The following SUPT4H1 variants were observed in gnomAD, a reference collection of about 807,000 sequenced individuals.
SUPT4H1 encodes the protein SPT4 homolog, DSIF elongation factor subunit.
Under a neutral mutation model 19.4 loss-of-function variants are expected in SUPT4H1, and 12 were observed. The ratio of observed to expected loss-of-function variants is 0.62; its 90% CI spans 0.40 to 1.00. The LOEUF is 1.00. SUPT4H1 is among the 50% of genes least tolerant of loss of function. SUPT4H1 has a pLI of 0.00. For missense variants in SUPT4H1, 115 were observed against 149.2 expected, an observed-to-expected ratio of 0.77 and a Z score of 1.19; for synonymous variants, 58 against 56.3, an observed-to-expected ratio of 1.03 and a Z score of -0.14.
Position 58,347,462 on chromosome 17 carries a change from C to T in SUPT4H1, c.232+67G>A, listed in dbSNP as rs78240384. The T allele has an allele frequency of 3.2e-6, 5 of 1,581,046 alleles. No homozygotes were observed. The African/African-American group carries it at 5.4e-5, about 17-fold the overall frequency. On this transcript the variant is annotated intron_variant, in intron 3 of 4. Coordinates refer to ENST00000225504, the MANE Select transcript of SUPT4H1 (RefSeq NM_003168.3). ...TCACTCATCTTGCTGATTTGAGACTCCCTAATGGACCTGAGGAACAGTAAC... is the reference window on the plus strand; with the variant it reads ...TCACTCATCTTGCTGATTTGAGACTTCCTAATGGACCTGAGGAACAGTAAC...
Position 58,346,150 on chromosome 17 carries a change from TAGG to T in SUPT4H1, c.*93_*95del. On this transcript the variant is annotated 3_prime_UTR_variant, in exon 5 of 5. Coordinates refer to ENST00000225504, the MANE Select transcript of SUPT4H1 (RefSeq NM_003168.3). The stretch of plus-strand genomic sequence containing the variant: ...AGTCAGCTGAGTCTGAATTGGAGGG[TAGG>T]AAGTATTTGAAGTTCTGTTCATTTA... The T allele has an allele frequency of 3.2e-6, 3 of 950,822 alleles. No homozygotes were observed. The highest frequency in any genetic ancestry group is 5.1e-6 in the Non-Finnish European group (3 of 588,548). 58.9% of individuals were successfully genotyped at this position (950,822 alleles called of 1,614,324 possible). A position where few individuals can be genotyped will look rare whatever the true frequency, so the allele number is the denominator to read the frequency against.
chr17:58,345,185 A>AAAAGGAGAAAT lies in SUPT4H1; in HGVS notation c.*1060_*1061insATTTCTCCTTT. ...GAAAAATGGCCCAAAAAGGAGAGCA[A>AAAAGGAGAAAT]AAGTATTTCACCTTTATAATACTTA... On this transcript the variant is annotated 3_prime_UTR_variant, in exon 5 of 5. Transcript: ENST00000225504. The AAAAGGAGAAAT allele has an allele frequency of 6.6e-6, 1 of 152,312 alleles. No individual in the cohort carries two copies. The highest frequency in any genetic ancestry group is 2.1e-4 in the South Asian group (1 of 4,824). 9.4% of individuals were successfully genotyped at this position (152,312 alleles called of 1,614,324 possible). A position where few individuals can be genotyped will look rare whatever the true frequency, so the allele number is the denominator to read the frequency against.
chr17:58,351,458 T>G lies in SUPT4H1; in HGVS notation c.120A>C (p.Leu40=). Reference sequence around the variant, plus strand: ...CCATCTCTCGGTTACCCTTCATTTGTAGATATGCATCACAATTGTCACAAC... The same window carrying G: ...CCATCTCTCGGTTACCCTTCATTTGGAGATATGCATCACAATTGTCACAAC... ...YDGCDNCDAY[L]QMKGNREMVY... Residue 40 remains leucine, a synonymous_variant, in exon 2 of 5, where the codon CTA becomes CTC. Transcript: ENST00000225504. The G allele has an allele frequency of 6.2e-7, 1 of 1,614,098 alleles. No homozygotes were observed. The highest frequency in any genetic ancestry group is 8.5e-7 in the Non-Finnish European group (1 of 1,179,988).
In SUPT4H1 at chr17:58,352,143, GATGGGAAGAACA is replaced by G. The variant is rs1229101535; in HGVS notation, c.-20_-9del. ...CACCGTCTCCAGGGCCATCTTCGCC[GATGGGAAGAACA>G]ACAGGGAGATAGACGACCACAGCCT... On this transcript the variant is annotated 5_prime_UTR_variant, in exon 1 of 5. Coordinates refer to ENST00000225504, the MANE Select transcript of SUPT4H1 (RefSeq NM_003168.3). 1 of 1,613,926 alleles carries G rather than the reference GATGGGAAGAACA, an allele frequency of 6.2e-7. No individual in the cohort carries two copies. The highest frequency in any genetic ancestry group is 1.3e-5 in the African/African-American group (1 of 74,944).
At chr17:58,347,411 A>G (rs1250769739) in intron 3 of SUPT4H1, 118 bp downstream of exon 3, 3 of 1,414,178 alleles carry the variant, frequency 2.1e-6, no homozygotes, top group African/African-American at 2.8e-5. Flanking sequence ...TGTGTTTCCT[A>G]CAACCCGATC....
chr17:58,352,052 G>C lies in SUPT4H1; in HGVS notation c.69+15C>G. ...GGTCCCCCATGGGCCCTACAACCAGGTCCCCGACTGACACCTTGACCAGCG... is the reference window on the plus strand; with the variant it reads ...GGTCCCCCATGGGCCCTACAACCAGCTCCCCGACTGACACCTTGACCAGCG... On this transcript the variant is annotated intron_variant, in intron 1 of 4. Coordinates refer to ENST00000225504, the MANE Select transcript of SUPT4H1 (RefSeq NM_003168.3). The C allele has an allele frequency of 6.2e-7, 1 of 1,613,966 alleles. No individual in the cohort carries two copies. Among genetic ancestry groups the C allele is most frequent in the Non-Finnish European group, 8.5e-7 (1 of 1,179,940 alleles).
At chr17:58,351,594 T>A in intron 1 of SUPT4H1, 86 bp from the exon 2 acceptor site, 1 of 897,036 alleles carries the variant, frequency 1.1e-6, no homozygotes. Flanking sequence ...TACTTCGACC[T>A]GCTCAATTTC....
At chr17:58,348,898 C>A (rs1280920213) in intron 2 of SUPT4H1, among the ~76,000 whole-genome samples, 4 of 152,156 alleles carry the variant, frequency 2.6e-5, no homozygotes, top group Non-Finnish European at 2.9e-5. Context: ...AACAAAAAAA[C>A]CAAACTGAAG....
At chr17:58,347,147 C>T (rs779022966) in intron 4 of SUPT4H1, 41 bp downstream of exon 4, 17 of 1,594,868 alleles carry the variant, frequency 1.1e-5, no homozygotes, top group Non-Finnish European at 1.3e-5. Context: ...TTCCACAGAG[C>T]TTTACAGTAA....
At position 58,347,680 on chromosome 17, in the gene SUPT4H1, C is replaced by T. The variant is rs1337322072; in HGVS notation, c.177-96G>A. On this transcript the variant is annotated intron_variant, in intron 2 of 4. Transcript: ENST00000225504. ...TCTAGGAAAAAGCCAAGTACCGAGT[C>T]TCCACTGGAAAGCTGGCAAAACTGC... The T allele has an allele frequency of 3.1e-6, 4 of 1,274,862 alleles. No homozygotes were observed. The African/African-American group carries it at 4.4e-5, about 14-fold the overall frequency. The allele number at this position is 1,274,862 out of a possible 1,614,324, so 79.0% of individuals were successfully genotyped here.
intron 2 of SUPT4H1, among the ~76,000 whole-genome samples, chr17:58,349,947 T>C (rs1172952585): frequency 6.6e-6 from 1 of 152,178 alleles, no homozygotes; most frequent in Non-Finnish European, 1.5e-5. Context: ...GTGGTGACGG[T>C]TGCACAACAG....
intron 2 of SUPT4H1, among the ~76,000 whole-genome samples, chr17:58,350,836 C>CAAAAAA (rs35040111): frequency 3.7e-5 from 3 of 81,912 alleles, no homozygotes; most frequent in African/African-American, 5.0e-5. Context: ...AAAGTCTGTC[C>CAAAAAA]AAAAAAAAAA....
At position 58,351,480 on chromosome 17, in the gene SUPT4H1, C is replaced by T; in HGVS notation, c.98G>A (p.Cys33Tyr). Residue 33 changes from cysteine (C) to tyrosine (Y), a missense_variant, in exon 2 of 5, where the codon TGT becomes TAT. Physicochemically the swap from Cys to Tyr is radical, Grantham distance 194. Transcript: ENST00000225504. Reference sequence around the variant, plus strand: ...TTGTAGATATGCATCACAATTGTCACAACCATCATATTCAAACTGGTCTAT... The same window carrying T: ...TTGTAGATATGCATCACAATTGTCATAACCATCATATTCAAACTGGTCTAT... ...KTIDQFEYDG[C>Y]DNCDAYLQMK... is the part of the protein sequence containing the mutation. 1 of 1,613,764 alleles carries T rather than the reference C, an allele frequency of 6.2e-7. No homozygotes were observed.
At chr17:58,349,212 T>A (rs1972398532) in intron 2 of SUPT4H1, among the ~76,000 whole-genome samples, 1 of 152,258 alleles carries the variant, frequency 6.6e-6, no homozygotes, top group Admixed American at 6.5e-5. Context: ...ATACAGATGA[T>A]CCCTGACTTA....
Position 58,345,807 on chromosome 17 carries a change from G to A in SUPT4H1, c.*439C>T, listed in dbSNP as rs915400350. ...GGCTGCAATCCCAGAGGCTGAGACA[G>A]TCAAGAGGGAGTAGAAGGGCCTCTG... On this transcript the variant is annotated 3_prime_UTR_variant, in exon 5 of 5. Coordinates refer to ENST00000225504, the MANE Select transcript of SUPT4H1 (RefSeq NM_003168.3). 1 of 157,020 alleles carries A rather than the reference G, an allele frequency of 6.4e-6. No individual in the cohort carries two copies. Among genetic ancestry groups the A allele is most frequent in the African/African-American group, 2.4e-5 (1 of 41,502 alleles). The allele number at this position is 157,020 out of a possible 1,614,324, so 9.7% of individuals were successfully genotyped here.
chr17:58,351,417 C>A lies in SUPT4H1; in HGVS notation c.161G>T (p.Ser54Ile). ...AGCGGCTTACCCATCAAAGGAAGAG[C>A]TAGTGCAGTCATATACCATCTCTCG... ...GNREMVYDCT[S>I]SSFDGIIAMM... Residue 54 changes from serine (S) to isoleucine (I), a missense_variant, in exon 2 of 5, where the codon AGC becomes ATC. Transcript: ENST00000225504. The A allele has an allele frequency of 6.2e-7, 1 of 1,612,704 alleles. No homozygotes were observed. The highest frequency in any genetic ancestry group is 8.5e-7 in the Non-Finnish European group (1 of 1,178,990).
At chr17:58,351,649 T>C (rs1972526403) in intron 1 of SUPT4H1, 141 bp from the exon 2 acceptor site, 1 of 624,842 alleles carries the variant, frequency 1.6e-6, no homozygotes, top group Non-Finnish European at 2.8e-6. Context: ...CCCCACCTAC[T>C]ACTCTCAAAG....
rs763662478 is a variant in SUPT4H1, at chr17:58,352,142, C to G, written c.-7G>C. On this transcript the variant is annotated 5_prime_UTR_variant, in exon 1 of 5. Transcript: ENST00000225504. ...GCACCGTCTCCAGGGCCATCTTCGC[C>G]GATGGGAAGAACAACAGGGAGATAG... 6 of 1,613,980 alleles carry G rather than the reference C, an allele frequency of 3.7e-6. No individual in the cohort carries two copies. In the African/African-American group the frequency reaches 4.0e-5, roughly 11 times the overall value.
chr17:58,351,470 A>G lies in SUPT4H1; in HGVS notation c.108T>C (p.Cys36=), dbSNP rs147819416. The change falls in exon 2 of 5, where the codon TGT becomes TGC. Residue 36 remains cysteine (C), a synonymous_variant. Coordinates refer to ENST00000225504, the MANE Select transcript of SUPT4H1 (RefSeq NM_003168.3). The stretch of plus-strand genomic sequence containing the variant: ...TACCCTTCATTTGTAGATATGCATC[A>G]CAATTGTCACAACCATCATATTCAA... The part of the protein sequence containing the change: ...DQFEYDGCDN[C]DAYLQMKGNR... 275 of 1,613,924 alleles carry G rather than the reference A, an allele frequency of 1.7e-4. No homozygotes were observed. The highest frequency in any genetic ancestry group is 2.3e-4 in the Non-Finnish European group (266 of 1,179,910).
Sources: gnomAD v4.1 joint callset for allele counts (sites outside exome capture counted in the v4.1 genomes callset) on GRCh38, gnomAD v4.1.1 for gene constraint, MANE v1.5 for transcripts, NCBI Gene and HGNC (gene_info 2026-07-23, HGNC 2026-07-21) for gene names.